Variants in GABPA observed in about 807,000 individuals in gnomAD.
GABPA encodes GA-binding protein alpha chain.
A neutral mutation model predicts 59.4 loss-of-function variants in GABPA; 4 were observed. The observed-to-expected ratio is 0.07, with a 90% CI of 0.03 to 0.15. The LOEUF (loss-of-function observed/expected upper bound fraction) is 0.15. GABPA is among the 10% of genes least tolerant of loss of function. GABPA has a pLI of 1.00. For synonymous variants in GABPA, 164 were observed against 183.1 expected (o/e 0.90, Z 0.84); for missense variants, 251 against 543.8 (o/e 0.46, Z 5.36).
chr21:25,743,309 C>T (rs1568940378), intron 2 of GABPA, among the ~76,000 whole-genome samples: 1 of 152,148 alleles, frequency 6.6e-6, no homozygotes, highest in Non-Finnish European at 1.5e-5. Context: ...CACAGTCCAA[C>T]CCTAGTACAG....
At chr21:25,739,335 T>G (rs2035159927) in intron 1 of GABPA, among the ~76,000 whole-genome samples, 1 of 152,208 alleles carries the variant, frequency 6.6e-6, no homozygotes, top group Non-Finnish European at 1.5e-5. Flanking sequence ...TTATGCAAAT[T>G]TAGTGGCTTA....
At chr21:25,744,079 C>A (rs2035298968) in intron 2 of GABPA, among the ~76,000 whole-genome samples, 1 of 147,038 alleles carries the variant, frequency 6.8e-6, no homozygotes, top group African/African-American at 2.5e-5. Context: ...CAGGCTATAG[C>A]TGAAGAGTTT....
At chr21:25,740,416 A>ATAAC (rs1184301573) in intron 1 of GABPA, among the ~76,000 whole-genome samples, 1 of 152,242 alleles carries the variant, frequency 6.6e-6, no homozygotes, top group Non-Finnish European at 1.5e-5. Flanking sequence ...TACGCTTAGA[A>ATAAC]TAACTACTCA....
Position 25,760,519 on chromosome 21 carries a change from C to G in GABPA, c.749-1793C>G, listed in dbSNP as rs111632116. Among the ~76,000 whole-genome samples, 20 of 152,012 alleles carry G rather than the reference C, an allele frequency of 1.3e-4. No homozygotes were observed. In the South Asian group the frequency reaches 2.9e-3, roughly 22 times the overall value. ...GAGCCACCACCTGCCTGCAGTCCCC[C>G]CTATGTTGAAACTACATCCAAGTCC... On this transcript the variant is annotated intron_variant, in intron 6 of 9. Coordinates refer to ENST00000400075, the MANE Select transcript of GABPA (RefSeq NM_002040.4).
At chr21:25,764,945 A>C (rs2035855105) in intron 9 of GABPA, among the ~76,000 whole-genome samples, 158 bp downstream of exon 9, 1 of 148,846 alleles carries the variant, frequency 6.7e-6, no homozygotes, top group Admixed American at 6.7e-5. Context: ...AAAAGATCTT[A>C]ATAATTTCGA....
chr21:25,743,172 A>C (rs1262430024), intron 2 of GABPA, among the ~76,000 whole-genome samples: 1 of 152,152 alleles, frequency 6.6e-6, no homozygotes, highest in East Asian at 1.9e-4. Context: ...AGGGCTGCTC[A>C]TGGGATGGCA....
At chr21:25,740,196 A>T (rs2035183981) in intron 1 of GABPA, among the ~76,000 whole-genome samples, 1 of 152,220 alleles carries the variant, frequency 6.6e-6, no homozygotes, top group Admixed American at 6.5e-5. Flanking sequence ...TAGCGTTCGT[A>T]TGAGATGGAG....
chr21:25,751,127 C>T (rs937680632), intron 4 of GABPA, among the ~76,000 whole-genome samples: 4 of 151,866 alleles, frequency 2.6e-5, no homozygotes, highest in African/African-American at 7.3e-5. Flanking sequence ...GAGGTTATTT[C>T]GTAAAGGGCT....
chr21:25,743,153 ACT>A (rs1323225619), intron 2 of GABPA, among the ~76,000 whole-genome samples: 3 of 151,766 alleles, frequency 2.0e-5, no homozygotes, highest in East Asian at 1.9e-4. Context: ...TCATCACATG[ACT>A]CTCTCTAGGG....
At chr21:25,748,068 A>G (rs71649686) in intron 3 of GABPA, among the ~76,000 whole-genome samples, 3,825 of 152,084 alleles carry the variant, frequency 0.025, 161 homozygotes, top group African/African-American at 0.087. Context: ...CACCACTCCT[A>G]GCTAATTTTT....
intron 9 of GABPA, among the ~76,000 whole-genome samples, chr21:25,765,263 A>G (rs67151581): frequency 0.032 from 4,820 of 152,156 alleles, 262 homozygotes; most frequent in African/African-American, 0.11. Context: ...AATTATGCCT[A>G]CTACAGTGAT....
In GABPA at chr21:25,751,853, A is replaced by C; in HGVS notation, c.308-136A>C. ...TGAATATCCTTCACCCAGATTCCCC[A>C]AATGTTAACTTTTACTACATTTGCT... On this transcript the variant is annotated intron_variant, in intron 4 of 9. Transcript: ENST00000400075. 2 of 841,014 alleles carry C rather than the reference A, an allele frequency of 2.4e-6. 1 individual carries two copies. The highest frequency in any genetic ancestry group is 3.8e-5 in the South Asian group (2 of 52,626). The allele number at this position is 841,014 out of a possible 1,614,324, so 52.1% of individuals were successfully genotyped here.
chr21:25,737,109 A>C (rs1478335338), intron 1 of GABPA, among the ~76,000 whole-genome samples: 1 of 152,192 alleles, frequency 6.6e-6, no homozygotes, highest in Non-Finnish European at 1.5e-5. Flanking sequence ...TTTTTCGTTA[A>C]ATTCAAGTTT....
intron 6 of GABPA, 117 bp downstream of exon 6, chr21:25,758,321 AAC>A: frequency 2.8e-6 from 2 of 723,090 alleles, no homozygotes; most frequent in Non-Finnish European, 4.5e-6. Context: ...AATAATAATT[AAC>A]ATTTATTTAC....
chr21:25,762,364 A>G lies in GABPA; in HGVS notation c.801A>G (p.Gln267=), dbSNP rs373747685. ...TGAATGAAATAGTTACAATTGATCAACGTGAGTATTTGTACCTATATTTGC... is the reference window on the plus strand; with the variant it reads ...TGAATGAAATAGTTACAATTGATCAGCGTGAGTATTTGTACCTATATTTGC... The part of the protein sequence containing the change: ...QQMNEIVTID[Q]PVQIIPASVQ... The change falls in exon 7 of 10, where the codon CAA becomes CAG. Residue 267 remains glutamine (Q), a splice_region_variant and synonymous_variant. Transcript: ENST00000400075. The G allele has an allele frequency of 3.5e-5, 55 of 1,572,702 alleles. No individual in the cohort carries two copies. The Admixed American group carries it at 6.7e-4, about 19-fold the overall frequency.
chr21:25,743,739 TAA>T (rs1451874354), intron 2 of GABPA, among the ~76,000 whole-genome samples: 1 of 152,046 alleles, frequency 6.6e-6, no homozygotes, highest in Non-Finnish European at 1.5e-5. Flanking sequence ...ATTTGAATCT[TAA>T]GAGTAATTGT....
At chr21:25,768,785 T>C (rs992731449) in intron 9 of GABPA, among the ~76,000 whole-genome samples, 9 of 152,170 alleles carry the variant, frequency 5.9e-5, no homozygotes, top group Admixed American at 4.6e-4. Context: ...GAAAGTTTAA[T>C]GTATAGAGTT....
At chr21:25,758,594 G>C (rs2035691859) in intron 6 of GABPA, among the ~76,000 whole-genome samples, 1 of 152,134 alleles carries the variant, frequency 6.6e-6, no homozygotes, top group African/African-American at 2.4e-5. Context: ...TACATTTACT[G>C]CTCATCTAGA....
At chr21:25,749,141 G>C (rs1366469870) in intron 4 of GABPA, 21 bp downstream of exon 4, 1 of 1,382,984 alleles carries the variant, frequency 7.2e-7, no homozygotes, top group Non-Finnish European at 1.0e-6. Context: ...TTTCATGATA[G>C]TTATTTAAAA....
Sources: allele counts gnomAD v4.1 joint callset (sites outside exome capture counted in the v4.1 genomes callset), GRCh38; gene constraint gnomAD v4.1.1; transcripts MANE v1.5; gene names NCBI Gene and HGNC (gene_info 2026-07-23, HGNC 2026-07-21).